The following ROBO2 variants were observed in gnomAD, a reference collection of about 807,000 sequenced individuals.
ROBO2 encodes the protein roundabout guidance receptor 2, also known as roundabout homolog 2.
A neutral mutation model predicts 160.8 loss-of-function variants in ROBO2; 53 were observed. The ratio of observed to expected loss-of-function variants is 0.33; its 90% CI spans 0.26 to 0.41. ROBO2 has a LOEUF of 0.41. ROBO2 is among the 10% of genes least tolerant of loss of function. The probability of loss-of-function intolerance (pLI) is 1.00; values close to 1 mark genes in which losing one functional copy is unlikely to be tolerated. For synonymous variants in ROBO2, 664 were observed against 611.7 expected (o/e 1.09, Z -1.26); for missense variants, 1,577 against 1,722.4 (o/e 0.92, Z 1.49).
chr3:77,261,538 G>A (rs1434274569), intron 2 of ROBO2, among the ~76,000 whole-genome samples: 1 of 152,078 alleles, frequency 6.6e-6, no homozygotes, highest in Admixed American at 6.5e-5. Context: ...TGGAGAATCT[G>A]CGCTTTTATA....
At chr3:76,918,946 G>A (rs1334746423) in intron 2 of ROBO2, among the ~76,000 whole-genome samples, 3 of 147,860 alleles carry the variant, frequency 2.0e-5, no homozygotes, top group Non-Finnish European at 4.4e-5. Flanking sequence ...TCATATGCTT[G>A]TGTTGGCCAC....
intron 23 of ROBO2, among the ~76,000 whole-genome samples, chr3:77,622,722 T>C (rs1194293431): frequency 1.3e-5 from 2 of 152,204 alleles, no homozygotes; most frequent in African/African-American, 4.8e-5. Flanking sequence ...ACCAAGTCTA[T>C]TACATTAAAA....
intron 1 of ROBO2, among the ~76,000 whole-genome samples, chr3:75,911,533 C>T (rs1409675349): frequency 1.4e-5 from 2 of 146,896 alleles, no homozygotes; most frequent in African/African-American, 2.5e-5. Flanking sequence ...GGTGAAGATC[C>T]CTTTCTGAAG....
intron 2 of ROBO2, among the ~76,000 whole-genome samples, chr3:77,016,645 T>A (rs2062280207): frequency 6.6e-6 from 1 of 152,146 alleles, no homozygotes; most frequent in Non-Finnish European, 1.5e-5. Context: ...CAATTTCTAG[T>A]CCTCTCAATA....
chr3:77,139,700 G>A lies in ROBO2; in HGVS notation c.388+41360G>A, dbSNP rs549247544. Among the ~76,000 whole-genome samples the A allele has an allele frequency of 3.9e-5, 6 of 152,248 alleles. No individual in the cohort carries two copies. The South Asian group carries it at 1.0e-3, about 26-fold the overall frequency. On this transcript the variant is annotated intron_variant, in intron 2 of 25. Transcript: ENST00000461745. ...ACCATTTTGCACTTTCTAATAAAAC[G>A]TTTTGTTCATGTAGGCTGTATCTTC...
intron 2 of ROBO2, among the ~76,000 whole-genome samples, chr3:77,137,521 C>T (rs539344331): frequency 1.2e-4 from 18 of 152,350 alleles, no homozygotes; most frequent in Non-Finnish European, 1.8e-4. Context: ...CCAGGGCCCC[C>T]GGCCGTATAT....
At chr3:76,451,703 T>A (rs1162001214) in intron 2 of ROBO2, among the ~76,000 whole-genome samples, 1 of 152,144 alleles carries the variant, frequency 6.6e-6, no homozygotes, top group Non-Finnish European at 1.5e-5. Flanking sequence ...AGCATTTGGG[T>A]TTCTAAATTG....
At chr3:76,027,677 G>A (rs1017121500) in intron 2 of ROBO2, among the ~76,000 whole-genome samples, 5 of 151,858 alleles carry the variant, frequency 3.3e-5, no homozygotes, top group Non-Finnish European at 5.9e-5. Context: ...TCAACATTTG[G>A]AGGAAAAGCT....
chr3:76,337,857 C>A (rs1311086327), intron 2 of ROBO2, among the ~76,000 whole-genome samples: 1 of 152,034 alleles, frequency 6.6e-6, no homozygotes, highest in East Asian at 1.9e-4. Context: ...TAAAACCCAA[C>A]GTTCAAAAGT....
intron 2 of ROBO2, among the ~76,000 whole-genome samples, chr3:76,624,796 C>CAAAAAAAAAAAAAAAAAAAAAAAAAAAA (rs57920315): frequency 2.2e-5 from 1 of 46,292 alleles, no homozygotes; most frequent in Non-Finnish European, 3.4e-5. Context: ...GACTCCGTCT[C>CAAAAAAAAAAAAAAAAAAAAAAAAAAAA]AAAAAAAAAA....
intron 2 of ROBO2, among the ~76,000 whole-genome samples, chr3:77,137,587 T>G (rs1357646463): frequency 6.6e-6 from 1 of 152,240 alleles, no homozygotes; most frequent in Admixed American, 6.5e-5. Flanking sequence ...TTTTTGTCCC[T>G]TGAGAAATAA....
intron 2 of ROBO2, among the ~76,000 whole-genome samples, chr3:76,428,665 C>T (rs1481758925): frequency 6.6e-6 from 1 of 151,886 alleles, no homozygotes; most frequent in Non-Finnish European, 1.5e-5. Flanking sequence ...TTTCATAAAA[C>T]TTCAGATAAA....
intron 5 of ROBO2, among the ~76,000 whole-genome samples, chr3:77,503,411 T>A (rs556077182): frequency 6.6e-6 from 1 of 150,822 alleles, no homozygotes; most frequent in Non-Finnish European, 1.5e-5. Context: ...GTAGTCCCAG[T>A]TACTCGGGAG....
intron 2 of ROBO2, among the ~76,000 whole-genome samples, chr3:76,971,874 T>TC (rs1452184714): frequency 6.6e-6 from 1 of 152,180 alleles, no homozygotes; most frequent in Non-Finnish European, 1.5e-5. Context: ...GCAAAGGGAA[T>TC]CCCTATGGCA....
chr3:76,724,545 C>A (rs188454474), intron 2 of ROBO2, among the ~76,000 whole-genome samples: 77 of 152,308 alleles, frequency 5.1e-4, no homozygotes, highest in African/African-American at 1.8e-3. Context: ...ATTTATGATG[C>A]CAAGAATTCC....
rs377362619 is a variant in ROBO2, at chr3:77,588,700, C to T, written c.2501-51C>T. ...TTTTTGATGCACCATGTTTATATTC[C>T]TGTGCTTATTTTCGTTTTAATATAT... On this transcript the variant is annotated intron_variant, in intron 16 of 25. Transcript: ENST00000461745. 813 of 1,529,932 alleles carry T rather than the reference C, an allele frequency of 5.3e-4. 8 individuals are homozygous for T. The African/African-American group carries it at 8.8e-3, about 17-fold the overall frequency. The allele number at this position is 1,529,932 out of a possible 1,614,324, so 94.8% of individuals were successfully genotyped here.
intron 2 of ROBO2, among the ~76,000 whole-genome samples, chr3:76,587,229 TC>T (rs2086103056): frequency 6.6e-6 from 1 of 152,182 alleles, no homozygotes; most frequent in South Asian, 2.1e-4. Context: ...TTGCTTTTTC[TC>T]CACTTAATGT....
chr3:77,061,171 T>C (rs4377518), intron 1 of ROBO2, among the ~76,000 whole-genome samples: 2 of 151,928 alleles, frequency 1.3e-5, no homozygotes, highest in African/African-American at 4.8e-5. Flanking sequence ...CATACATATG[T>C]TCATACAAAG....
intron 2 of ROBO2, among the ~76,000 whole-genome samples, chr3:77,282,064 T>C (rs2060276842): frequency 1.3e-5 from 2 of 152,190 alleles, no homozygotes; most frequent in African/African-American, 4.8e-5. Flanking sequence ...ATGTAAATGC[T>C]ATGTAAATAG....
Sources: allele counts gnomAD v4.1 joint callset (sites outside exome capture counted in the v4.1 genomes callset), GRCh38; gene constraint gnomAD v4.1.1; transcripts MANE v1.5; gene names NCBI Gene and HGNC (gene_info 2026-07-23, HGNC 2026-07-21).